FRMD5: variants seen among roughly 807,000 people sequenced by gnomAD.
FRMD5 encodes FERM domain containing 5.
In FRMD5, 20 loss-of-function variants were observed where a neutral mutation model predicts 69.0. The observed-to-expected ratio is 0.29, with a 90% CI of 0.20 to 0.42. FRMD5 has a LOEUF of 0.42. Among genes scored for constraint, FRMD5 ranks in the 10% least tolerant of loss-of-function variants. The pLI is 1.00. For synonymous variants in FRMD5, 271 were observed against 260.1 expected, an observed-to-expected ratio of 1.04 and a Z score of -0.40; for missense variants, 595 against 708.6, an observed-to-expected ratio of 0.84 and a Z score of 1.82.
rs2088805558 is a variant in FRMD5 at position 43,892,041 on chromosome 15, G to A, written c.668C>T (p.Ala223Val). 1 of 1,614,010 alleles carries A rather than the reference G, an allele frequency of 6.2e-7. No homozygotes were observed. The highest frequency in any genetic ancestry group is 1.1e-5 in the South Asian group (1 of 91,094). Residue 223 changes from alanine (A) to valine (V), a missense_variant, in exon 8 of 14, where the codon GCC becomes GTC. Ala to Val is a moderately conservative substitution (Grantham distance 64). Transcript: ENST00000417257. ...AACAACAAACCCAAAAGGAGTGAAG[G>A]CCAGAAATGCAGCATTTCCTGACAC... ...KDVSGNAAFL[A>V]FTPFGFVVLQ...
chr15:44,011,546 AT>A (rs1486293318), intron 1 of FRMD5, among the ~76,000 whole-genome samples: 1 of 152,172 alleles, frequency 6.6e-6, no homozygotes, highest in Non-Finnish European at 1.5e-5. Context: ...GCTGTTGGAA[AT>A]GTGCGACTGA....
chr15:44,113,449 T>G (rs2076827115), intron 1 of FRMD5, among the ~76,000 whole-genome samples: 1 of 152,258 alleles, frequency 6.6e-6, no homozygotes, highest in Non-Finnish European at 1.5e-5. Flanking sequence ...ATGAGACACT[T>G]GATATCTCTC....
chr15:44,066,906 C>A (rs1431402934), intron 1 of FRMD5, among the ~76,000 whole-genome samples: 2 of 152,080 alleles, frequency 1.3e-5, no homozygotes, highest in Non-Finnish European at 2.9e-5. Flanking sequence ...CCCCTCAGTT[C>A]TTTTCCTTAA....
chr15:43,884,905 C>T (rs2088627010), intron 11 of FRMD5, 110 bp from the exon 12 acceptor site: 5 of 871,588 alleles, frequency 5.7e-6, no homozygotes, highest in African/African-American at 5.0e-5. Context: ...GCATCTGTGG[C>T]CCACCCTTTC....
chr15:43,929,295 A>G (rs2140460897), intron 1 of FRMD5, among the ~76,000 whole-genome samples: 1 of 152,336 alleles, frequency 6.6e-6, no homozygotes, highest in East Asian at 1.9e-4. Context: ...CATCATCGAT[A>G]TCCATGGGCA....
intron 1 of FRMD5, among the ~76,000 whole-genome samples, chr15:43,954,672 C>T (rs538464471): frequency 1.8e-4 from 28 of 152,314 alleles, no homozygotes; most frequent in Non-Finnish European, 3.2e-4. Flanking sequence ...CAGAGCTTGG[C>T]GCTTGCCACA....
rs1447221498 is a variant in FRMD5, at chr15:44,104,366, A to T, written c.102+90587T>A. The stretch of plus-strand genomic sequence containing the variant: ...GCTTAATTTGTTATTGAAGAAAAAA[A>T]TTTTTACATAAATTTAGTGTAGCTT... On this transcript the variant is annotated intron_variant, in intron 1 of 13. Coordinates refer to ENST00000417257, the MANE Select transcript of FRMD5 (RefSeq NM_032892.5). Among the ~76,000 whole-genome samples the T allele has an allele frequency of 3.3e-5, 5 of 152,254 alleles. 1 individual carries two copies. The highest frequency in any genetic ancestry group is 1.5e-5 in the Non-Finnish European group (1 of 68,004).
chr15:44,093,595 C>T (rs555995099), intron 1 of FRMD5, among the ~76,000 whole-genome samples: 9 of 146,240 alleles, frequency 6.2e-5, no homozygotes, highest in African/African-American at 1.5e-4. Flanking sequence ...TTTTTTGAGA[C>T]GGAGTCTCGC....
intron 1 of FRMD5, among the ~76,000 whole-genome samples, chr15:44,045,774 T>C (rs1892400996): frequency 6.6e-6 from 1 of 152,130 alleles, no homozygotes; most frequent in Admixed American, 6.5e-5. Context: ...CCCATTCTCT[T>C]TGATAAGTGA....
At chr15:44,062,224 A>C (rs1335479041) in intron 1 of FRMD5, among the ~76,000 whole-genome samples, 1 of 152,226 alleles carries the variant, frequency 6.6e-6, no homozygotes, top group Non-Finnish European at 1.5e-5. Context: ...AACTTTAAAA[A>C]GTTCATGTTT....
chr15:43,951,832 T>C (rs2090034211), intron 1 of FRMD5, among the ~76,000 whole-genome samples: 1 of 152,104 alleles, frequency 6.6e-6, no homozygotes, highest in South Asian at 2.1e-4. Flanking sequence ...ACTTGCCTGC[T>C]ACTTTTCTGA....
At chr15:44,190,177 G>A (rs762925127) in intron 1 of FRMD5, among the ~76,000 whole-genome samples, 8 of 152,270 alleles carry the variant, frequency 5.3e-5, no homozygotes, top group Admixed American at 6.5e-5. Flanking sequence ...TTTGAGAGAC[G>A]AGCAACTCGC....
At chr15:44,162,536 G>A (rs1432510978) in intron 1 of FRMD5, among the ~76,000 whole-genome samples, 1 of 151,570 alleles carries the variant, frequency 6.6e-6, no homozygotes, top group African/African-American at 2.4e-5. Context: ...GTTTTTTCCT[G>A]CCTCCAGGCT....
chr15:43,957,760 G>C (rs1162857372), intron 1 of FRMD5, among the ~76,000 whole-genome samples: 1 of 152,200 alleles, frequency 6.6e-6, no homozygotes, highest in Non-Finnish European at 1.5e-5. Flanking sequence ...TCTTTTAAAA[G>C]AGCCTCTTTC....
chr15:43,972,657 A>G (rs1164961884), intron 1 of FRMD5, among the ~76,000 whole-genome samples: 1 of 152,160 alleles, frequency 6.6e-6, no homozygotes, highest in East Asian at 1.9e-4. Context: ...TAACTAACCT[A>G]TACAACTGTA....
At chr15:44,047,178 G>A (rs957451882) in intron 1 of FRMD5, among the ~76,000 whole-genome samples, 4 of 152,058 alleles carry the variant, frequency 2.6e-5, no homozygotes, top group African/African-American at 4.8e-5. Context: ...GCATGGTGGC[G>A]GGTGCCTGTA....
intron 1 of FRMD5, among the ~76,000 whole-genome samples, chr15:43,939,477 T>C (rs1321213285): frequency 2.0e-5 from 3 of 152,224 alleles, no homozygotes; most frequent in Admixed American, 6.5e-5. Context: ...CAAGTTCATT[T>C]GGCTCTGTGG....
intron 1 of FRMD5, among the ~76,000 whole-genome samples, chr15:44,085,130 T>C (rs1029686064): frequency 6.6e-6 from 1 of 152,174 alleles, no homozygotes; most frequent in African/African-American, 2.4e-5. Context: ...CAGTTTGTTG[T>C]GAATTTTAAA....
chr15:43,975,825 A>C, intron 1 of FRMD5, among the ~76,000 whole-genome samples: 1 of 152,218 alleles, frequency 6.6e-6, no homozygotes, highest in East Asian at 1.9e-4. Context: ...ACAAGTTTGC[A>C]AAAGAAGAAC....
Sources: allele counts gnomAD v4.1 joint callset (sites outside exome capture counted in the v4.1 genomes callset), GRCh38; gene constraint gnomAD v4.1.1; transcripts MANE v1.5; gene names NCBI Gene and HGNC (gene_info 2026-07-23, HGNC 2026-07-21).